The following MBNL2 variants were observed in gnomAD, a reference collection of about 807,000 sequenced individuals.
The protein encoded by MBNL2 is muscleblind like splicing regulator 2, also known as muscleblind-like protein 2.
Under a neutral mutation model 41.9 loss-of-function variants are expected in MBNL2, and 17 were observed. That is an observed-to-expected ratio of 0.41 (90% CI 0.28 to 0.61). The LOEUF is 0.61. MBNL2 is among the 20% of genes least tolerant of loss of function. The pLI, the probability that MBNL2 is intolerant of heterozygous loss-of-function variation, is 0.35. For missense variants in MBNL2, 336 were observed against 505.6 expected (o/e 0.66, Z 3.22); for synonymous variants, 195 against 182.9 (o/e 1.07, Z -0.53).
At chr13:97,153,908 C>T in the MBNL2 span, among the ~76,000 whole-genome samples, 186 of 152,286 alleles carry the variant, frequency 1.2e-3, 1 homozygote, top group African/African-American at 4.3e-3. Context: ...TATCCTTTGA[C>T]ATGCTTCTAT....
chr13:97,246,643 G>C (rs2045532262), intron 1 of MBNL2, among the ~76,000 whole-genome samples: 1 of 152,106 alleles, frequency 6.6e-6, no homozygotes, highest in African/African-American at 2.4e-5. Context: ...AGGAGGCAGC[G>C]GGATTTGTGG....
intron 2 of MBNL2, among the ~76,000 whole-genome samples, chr13:97,295,460 T>C (rs546126214): frequency 6.6e-5 from 10 of 152,324 alleles, no homozygotes; most frequent in African/African-American, 2.4e-4. Context: ...GCAACCATTA[T>C]GTATCTATGA....
intron 1 of MBNL2, among the ~76,000 whole-genome samples, chr13:97,248,189 G>T (rs1188122989): frequency 6.6e-6 from 1 of 152,206 alleles, no homozygotes; most frequent in Non-Finnish European, 1.5e-5. Flanking sequence ...CTGGGGTGCA[G>T]TGGTGCGATC....
chr13:97,345,481 G>A (rs1468864256), intron 4 of MBNL2, among the ~76,000 whole-genome samples: 1 of 152,126 alleles, frequency 6.6e-6, no homozygotes, highest in Non-Finnish European at 1.5e-5. Flanking sequence ...ATTCTCAGGG[G>A]ATAGAGAATC....
At chr13:97,377,762 C>G (rs1005008791) in intron 8 of MBNL2, among the ~76,000 whole-genome samples, 4 of 151,984 alleles carry the variant, frequency 2.6e-5, no homozygotes, top group Non-Finnish European at 4.4e-5. Flanking sequence ...TGGCTTTGCA[C>G]AAGGAAAAAA....
At chr13:97,347,497 G>A (rs1383037447) in intron 5 of MBNL2, among the ~76,000 whole-genome samples, 1 of 152,200 alleles carries the variant, frequency 6.6e-6, no homozygotes, top group Non-Finnish European at 1.5e-5. Context: ...GACATCTGTG[G>A]CCTAAGAGAA....
At chr13:97,298,530 C>T (rs1401542813) in intron 2 of MBNL2, among the ~76,000 whole-genome samples, 1 of 152,216 alleles carries the variant, frequency 6.6e-6, no homozygotes, top group African/African-American at 2.4e-5. Flanking sequence ...TGCAAAATCA[C>T]ACAATAGCTG....
At chr13:97,187,115 T>G in the MBNL2 span, among the ~76,000 whole-genome samples, 1 of 152,232 alleles carries the variant, frequency 6.6e-6, no homozygotes, top group African/African-American at 2.4e-5. Flanking sequence ...TACTAACAGA[T>G]GAGTACTTAG....
At chr13:97,348,055 G>C (rs951814273) in intron 5 of MBNL2, among the ~76,000 whole-genome samples, 1 of 149,464 alleles carries the variant, frequency 6.7e-6, no homozygotes, top group Non-Finnish European at 1.5e-5. Context: ...AGTTGGTCTG[G>C]TGTGGTCTGG....
chr13:97,340,269 A>G (rs2061342328), intron 3 of MBNL2, among the ~76,000 whole-genome samples: 1 of 152,260 alleles, frequency 6.6e-6, no homozygotes, highest in Non-Finnish European at 1.5e-5. Flanking sequence ...AACATGCTAC[A>G]TCAAAAAGGA....
At chr13:97,193,267 C>A in the MBNL2 span, among the ~76,000 whole-genome samples, 1 of 152,248 alleles carries the variant, frequency 6.6e-6, no homozygotes, top group African/African-American at 2.4e-5. Context: ...GACATTCCAG[C>A]CTGGGGGCAA....
At chr13:97,200,069 A>C in the MBNL2 span, among the ~76,000 whole-genome samples, 2 of 152,258 alleles carry the variant, frequency 1.3e-5, no homozygotes, top group Non-Finnish European at 1.5e-5. Flanking sequence ...TTGAAGCCCC[A>C]TAAATTCAAC....
chr13:97,255,260 T>C (rs1352032319), intron 1 of MBNL2, among the ~76,000 whole-genome samples: 1 of 152,178 alleles, frequency 6.6e-6, no homozygotes, highest in East Asian at 1.9e-4. Context: ...TCTAAAAAAG[T>C]CTTCTAAATC....
At chr13:97,206,668 A>G in the MBNL2 span, among the ~76,000 whole-genome samples, 2 of 152,136 alleles carry the variant, frequency 1.3e-5, no homozygotes, top group Admixed American at 1.3e-4. Flanking sequence ...AGTGAGAGAG[A>G]TAGGACTTGA....
At chr13:97,276,486 C>A in intron 2 of MBNL2, 77 bp downstream of exon 2, 1 of 1,353,712 alleles carries the variant, frequency 7.4e-7, no homozygotes, top group Non-Finnish European at 1.0e-6. Flanking sequence ...TGCATTTTTA[C>A]AGAAGTTTAA....
chr13:97,257,367 G>T (rs758842038), intron 1 of MBNL2, among the ~76,000 whole-genome samples: 1 of 152,102 alleles, frequency 6.6e-6, no homozygotes, highest in African/African-American at 2.4e-5. Flanking sequence ...GGTATCACAG[G>T]TTAGGCCAGG....
chr13:97,207,098 G>C, the MBNL2 span, among the ~76,000 whole-genome samples: 1 of 152,082 alleles, frequency 6.6e-6, no homozygotes, highest in African/African-American at 2.4e-5. Flanking sequence ...TCATTTTGAA[G>C]CTCAACTCAT....
At chr13:97,365,364 C>A (rs1405679620) in intron 8 of MBNL2, among the ~76,000 whole-genome samples, 193 bp downstream of exon 8, 1 of 152,282 alleles carries the variant, frequency 6.6e-6, no homozygotes, top group South Asian at 2.1e-4. Flanking sequence ...AATGTGACCT[C>A]TTGTGCTAGA....
chr13:97,174,871 A>G, the MBNL2 span, among the ~76,000 whole-genome samples: 1 of 152,144 alleles, frequency 6.6e-6, no homozygotes, highest in African/African-American at 2.4e-5. Context: ...ATGACAGTCC[A>G]CAAACTGATG....
Sources: gnomAD v4.1 joint callset for allele counts (sites outside exome capture counted in the v4.1 genomes callset) on GRCh38, gnomAD v4.1.1 for gene constraint, MANE v1.5 for transcripts, NCBI Gene and HGNC (gene_info 2026-07-23, HGNC 2026-07-21) for gene names.